AGMO: variants seen among roughly 807,000 people sequenced by gnomAD.
AGMO encodes the protein glyceryl-ether monooxygenase.
In AGMO, 75 loss-of-function variants were observed where a neutral mutation model predicts 60.2. The observed-to-expected ratio is 1.25, with a 90% CI of 1.03 to 1.51. AGMO has a LOEUF of 1.51. Ranked by LOEUF, AGMO falls within the 40% of genes most tolerant of loss-of-function variation. The pLI, the probability that AGMO is intolerant of heterozygous loss-of-function variation, is 0.00. For synonymous variants in AGMO, 261 were observed against 177.1 expected (o/e 1.47, Z -3.76); for missense variants, 763 against 525.5 (o/e 1.45, Z -4.42).
intron 12 of AGMO, among the ~76,000 whole-genome samples, chr7:15,332,149 C>A (rs900629191): frequency 6.6e-6 from 1 of 151,970 alleles, no homozygotes; most frequent in African/African-American, 2.4e-5. Context: ...TTTTTCTGAG[C>A]AAAAAATAAA....
chr7:15,432,227 T>G (rs1008922229), intron 3 of AGMO, among the ~76,000 whole-genome samples: 3 of 151,252 alleles, frequency 2.0e-5, no homozygotes, highest in African/African-American at 7.3e-5. Flanking sequence ...TAATTTTCTT[T>G]GCAGTTGCCA....
intron 12 of AGMO, among the ~76,000 whole-genome samples, chr7:15,243,770 T>C (rs1413207986): frequency 6.6e-6 from 1 of 151,982 alleles, no homozygotes; most frequent in African/African-American, 2.4e-5. Context: ...GCACGAAAAA[T>C]TTCAGGGCTA....
intron 3 of AGMO, among the ~76,000 whole-genome samples, chr7:15,450,292 C>T (rs969201881): frequency 1.5e-4 from 23 of 151,714 alleles, no homozygotes; most frequent in African/African-American, 4.8e-4. Context: ...TGGTGGCGGG[C>T]GCATGTAGTC....
chr7:15,232,495 C>A (rs1782288568), intron 12 of AGMO, among the ~76,000 whole-genome samples: 2 of 152,104 alleles, frequency 1.3e-5, no homozygotes, highest in African/African-American at 4.8e-5. Context: ...AAAATGTGAG[C>A]CTTGCACCAC....
chr7:15,383,585 CTAAAA>C (rs1401025937), intron 10 of AGMO, among the ~76,000 whole-genome samples: 16 of 152,068 alleles, frequency 1.1e-4, no homozygotes, highest in Non-Finnish European at 1.0e-4. Context: ...TGGTACCTAA[CTAAAA>C]TAATTCCATA....
intron 3 of AGMO, among the ~76,000 whole-genome samples, chr7:15,497,863 G>T (rs1783275033): frequency 6.6e-6 from 1 of 151,994 alleles, no homozygotes; most frequent in Non-Finnish European, 1.5e-5. Context: ...GATTTTAGAA[G>T]CCTTACTGGG....
chr7:15,393,292 G>A (rs1477306081), intron 6 of AGMO, among the ~76,000 whole-genome samples: 2 of 152,172 alleles, frequency 1.3e-5, no homozygotes, highest in African/African-American at 4.8e-5. Flanking sequence ...GGTTGCCGAG[G>A]AAGACTGGAA....
chr7:15,174,297 C>G, the AGMO span, among the ~76,000 whole-genome samples: 1 of 152,050 alleles, frequency 6.6e-6, no homozygotes, highest in South Asian at 2.1e-4. Flanking sequence ...CTAAAGTTAA[C>G]CCTTTTACCT....
chr7:15,368,381 A>G (rs374443092), intron 10 of AGMO, among the ~76,000 whole-genome samples: 5 of 151,830 alleles, frequency 3.3e-5, no homozygotes, highest in Non-Finnish European at 7.4e-5. Context: ...ATATTGCTTC[A>G]TTGTGGTTTT....
chr7:15,334,314 T>G (rs1398481300), intron 12 of AGMO, among the ~76,000 whole-genome samples: 2 of 112,296 alleles, frequency 1.8e-5, no homozygotes, highest in Admixed American at 8.4e-5. Flanking sequence ...TTGGTGAGTT[T>G]TTTTTTTTTT....
chr7:15,141,374 A>G, the AGMO span, among the ~76,000 whole-genome samples: 2 of 152,206 alleles, frequency 1.3e-5, no homozygotes, highest in Non-Finnish European at 2.9e-5. Context: ...GCCTGAGCTC[A>G]GGAGTTTGCA....
chr7:15,354,327 T>TGTATATAGACGCGTGTATACAC (rs1491261219), intron 12 of AGMO, among the ~76,000 whole-genome samples: 1 of 32,224 alleles, frequency 3.1e-5, no homozygotes, highest in African/African-American at 2.2e-4. Context: ...TGTATATACG[T>TGTATATAGACGCGTGTATACAC]ACGCGTGTAT....
At chr7:15,327,967 G>T (rs966100051) in intron 12 of AGMO, among the ~76,000 whole-genome samples, 2 of 151,480 alleles carry the variant, frequency 1.3e-5, no homozygotes, top group African/African-American at 4.9e-5. Context: ...GTTGAGACAG[G>T]GTCTCACTAT....
chr7:15,332,588 T>C lies in AGMO; in HGVS notation c.1263+32926A>G, dbSNP rs138587037. 2.9e-4 allele frequency among the ~76,000 whole-genome samples: 44 copies of C among 152,240 alleles called. No individual in the cohort carries two copies. In the East Asian group the frequency reaches 6.6e-3, roughly 23 times the overall value. On this transcript the variant is annotated intron_variant, in intron 12 of 12. Transcript: ENST00000342526. ...GACCTGACAACCTGATTTTCCCACT[T>C]AGAAGCTGTATGACCCTTGGCAAGT...
intron 12 of AGMO, among the ~76,000 whole-genome samples, chr7:15,259,899 CAAAAAAAAAAAAAAAA>C (rs71549927): frequency 2.1e-4 from 2 of 9,398 alleles, no homozygotes; most frequent in Non-Finnish European, 3.5e-4. Flanking sequence ...ACAAGAACTG[CAAAAAAAAAAAAAAAA>C]AAAAAAAAAA....
At chr7:15,175,356 T>C in the AGMO span, among the ~76,000 whole-genome samples, 1 of 151,936 alleles carries the variant, frequency 6.6e-6, no homozygotes, top group African/African-American at 2.4e-5. Flanking sequence ...ATCGCCATAG[T>C]TAGTGTAAGC....
intron 12 of AGMO, among the ~76,000 whole-genome samples, chr7:15,247,451 CACACACACAGAGAG>C (rs1340325451): frequency 2.5e-5 from 3 of 119,622 alleles, no homozygotes; most frequent in Admixed American, 1.7e-4. Context: ...CACACACACA[CACACACACAGAGAG>C]AGAGAGAGAG....
Position 15,342,417 on chromosome 7 carries a change from A to T in AGMO, c.1263+23097T>A, listed in dbSNP as rs75056486. ...AAATTCTTCTCTACCTAAGCAAAGTATGTTCATCTTTAAAATCCGGTGCTA... is the reference window on the plus strand; with the variant it reads ...AAATTCTTCTCTACCTAAGCAAAGTTTGTTCATCTTTAAAATCCGGTGCTA... On this transcript the variant is annotated intron_variant, in intron 12 of 12. Transcript: ENST00000342526. 1.7e-3 allele frequency among the ~76,000 whole-genome samples: 256 copies of T among 152,144 alleles called. 1 individual carries two copies. The highest frequency in any genetic ancestry group is 5.8e-3 in the African/African-American group (240 of 41,512).
chr7:15,365,092 G>C (rs1298527482), intron 12 of AGMO, among the ~76,000 whole-genome samples: 1 of 151,908 alleles, frequency 6.6e-6, no homozygotes, highest in Non-Finnish European at 1.5e-5. Flanking sequence ...TCTGTAGAAT[G>C]ATTACTTTTT....
Sources: allele counts gnomAD v4.1 joint callset (sites outside exome capture counted in the v4.1 genomes callset), GRCh38; gene constraint gnomAD v4.1.1; transcripts MANE v1.5; gene names NCBI Gene and HGNC (gene_info 2026-07-23, HGNC 2026-07-21).